RP1: variants seen among roughly 807,000 people sequenced by gnomAD.
RP1 encodes oxygen-regulated protein 1.
RP1 carries 16 observed loss-of-function variants against 14.8 expected under a neutral mutation model. The ratio of observed to expected loss-of-function variants is 1.08; its 90% CI spans 0.73 to 1.65. The LOEUF (loss-of-function observed/expected upper bound fraction) is 1.65. RP1 is among the 40% of genes most tolerant of loss of function. The pLI is 0.00. For missense variants in RP1, 2,631 were observed against 2,535.0 expected (o/e 1.04, Z -0.81); for synonymous variants, 876 against 883.6 (o/e 0.99, Z 0.15).
At chr8:54,852,407 A>G (rs1812077585) in intron 25 of RP1, among the ~76,000 whole-genome samples, 1 of 152,222 alleles carries the variant, frequency 6.6e-6, no homozygotes, top group African/African-American at 2.4e-5. Flanking sequence ...GGTAAACATT[A>G]AGTAGCTGGA....
chr8:54,805,381 G>T (rs1389417439), intron 24 of RP1, among the ~76,000 whole-genome samples: 2 of 152,042 alleles, frequency 1.3e-5, no homozygotes, highest in Non-Finnish European at 2.9e-5. Context: ...TTTGAATATT[G>T]GTCTCTAGCA....
rs758592527 is a variant in RP1 at position 54,625,638 on chromosome 8, T to C, written c.1756T>C (p.Leu586=). The part of the protein sequence containing the change: ...VEEDVVDCVV[L]DNKTGIKNFK... ...GGAAGATGTAGTTGATTGTGTGGTA[T>C]TGGACAACAAAACTGGTATCAAGAA... The change falls in exon 4 of 4, where the codon TTG becomes CTG. Residue 586 remains leucine (L), a synonymous_variant. Transcript: ENST00000220676. 3.7e-5 allele frequency: 59 copies of C among 1,614,044 alleles called. No individual in the cohort carries two copies. The highest frequency in any genetic ancestry group is 4.8e-5 in the Non-Finnish European group (57 of 1,180,014).
At chr8:54,813,763 G>T (rs1391941461) in intron 24 of RP1, among the ~76,000 whole-genome samples, 1 of 152,210 alleles carries the variant, frequency 6.6e-6, no homozygotes, top group African/African-American at 2.4e-5. Flanking sequence ...AAATGCAGGG[G>T]CTGGAAAGAT....
In RP1 at chr8:54,733,246, G is replaced by T. The variant is rs145969955; in HGVS notation, c.2522-1299G>T. ...CTGCTTCTTTTCCTCTTCTTAAAAT[G>T]AGCATCATAATTTGACTCACCTTAT... On this transcript the variant is annotated intron_variant, in intron 17 of 22. Coordinates refer to the RP1 transcript ENST00000636932. 7.0e-3 allele frequency among the ~76,000 whole-genome samples: 1,057 copies of T among 152,086 alleles called. 8 individuals carry two copies. The highest frequency in any genetic ancestry group is 0.031 in the Middle Eastern group (9 of 294).
At chr8:54,710,166 T>C (rs1483322427) in intron 15 of RP1, among the ~76,000 whole-genome samples, 1 of 152,182 alleles carries the variant, frequency 6.6e-6, no homozygotes, top group East Asian at 1.9e-4. Context: ...ATGAAAATAT[T>C]GATGCAGGAT....
At position 54,627,450 on chromosome 8, in the gene RP1, A is replaced by G. The variant is rs78436725; in HGVS notation, c.3568A>G (p.Thr1190Ala). 1 of 1,614,150 alleles carries G rather than the reference A, an allele frequency of 6.2e-7. No homozygotes were observed. The highest frequency in any genetic ancestry group is 8.5e-7 in the Non-Finnish European group (1 of 1,179,968). ...TGCTGTTGCCAATTTAGTGGAGTCA[A>G]CTACAAGCCACTTTGGACTCAGTGA... ...KAAVANLVES[T>A]TSHFGLSEKE... The change falls in exon 4 of 4, where the codon ACT becomes GCT. Residue 1190 changes from threonine to alanine, a missense_variant. Physicochemically the swap from Thr to Ala is moderately conservative, Grantham distance 58. Coordinates refer to ENST00000220676, the MANE Select transcript of RP1 (RefSeq NM_006269.2).
chr8:54,775,108 T>A (rs1244873362), intron 23 of RP1, among the ~76,000 whole-genome samples: 1 of 151,760 alleles, frequency 6.6e-6, no homozygotes, highest in East Asian at 1.9e-4. Context: ...TCAACAAATG[T>A]CTCCAAGGGG....
At chr8:54,573,105 C>CT (rs561827907) in intron 1 of RP1, among the ~76,000 whole-genome samples, 304 of 152,152 alleles carry the variant, frequency 2.0e-3, no homozygotes, top group African/African-American at 6.6e-3. Flanking sequence ...ATCATAATCC[C>CT]TTTTTTTGGC....
chr8:54,766,455 A>G (rs1809763327), intron 22 of RP1, among the ~76,000 whole-genome samples: 1 of 152,014 alleles, frequency 6.6e-6, no homozygotes, highest in African/African-American at 2.4e-5. Context: ...CTTCTTTGTC[A>G]GTTTACGCCA....
chr8:54,626,586 G>C lies in RP1; in HGVS notation c.2704G>C (p.Asp902His), dbSNP rs868608354. 1 of 1,613,340 alleles carries C rather than the reference G, an allele frequency of 6.2e-7. No individual in the cohort carries two copies. Among genetic ancestry groups the C allele is most frequent in the Admixed American group, 1.7e-5 (1 of 59,922 alleles). The change falls in exon 4 of 4, where the codon GAT (aspartate) becomes CAT (histidine). Residue 902 changes from aspartate to histidine, a missense_variant. Coordinates refer to ENST00000220676, the MANE Select transcript of RP1 (RefSeq NM_006269.2). Reference sequence around the variant, plus strand: ...TTCTTTAGCTTCTTTGAAAAAACCTGATTTTCCTGAGGCTATTGCTCATCA... The same window carrying C: ...TTCTTTAGCTTCTTTGAAAAAACCTCATTTTCCTGAGGCTATTGCTCATCA... ...ANSLASLKKP[D>H]FPEAIAHHSI... is the part of the protein sequence containing the mutation.
chr8:54,626,791 A>G lies in RP1; in HGVS notation c.2909A>G (p.Glu970Gly). ...NSGKISNFVM[E>G]SNKHITKIAG... is the part of the protein sequence containing the mutation. ...GGAAAAATAAGTAATTTTGTTATGG[A>G]AAGTAATAAGCACATAACTAAAATT... Residue 970 changes from glutamate to glycine, a missense_variant, in exon 4 of 4, where the codon GAA becomes GGA. Physicochemically the swap from Glu to Gly is moderately conservative, Grantham distance 98 (BLOSUM62 -2). Transcript: ENST00000220676. 3.7e-6 allele frequency: 6 copies of G among 1,613,804 alleles called. No homozygotes were observed. Among genetic ancestry groups the G allele is most frequent in the Non-Finnish European group, 5.1e-6 (6 of 1,179,908 alleles).
chr8:54,635,030 C>A (rs909812588), downstream of RP1, among the ~76,000 whole-genome samples: 1 of 149,726 alleles, frequency 6.7e-6, no homozygotes, highest in East Asian at 2.0e-4. Flanking sequence ...TGCAGTGAGC[C>A]GAGATGGTGC....
intron 18 of RP1, among the ~76,000 whole-genome samples, chr8:54,737,073 TAGC>T (rs1173425819): frequency 8.5e-5 from 13 of 152,232 alleles, no homozygotes; most frequent in African/African-American, 3.1e-4. Context: ...AGTGAGCATA[TAGC>T]CATTTTTGAG....
At position 54,852,557 on chromosome 8, in the gene RP1, G is replaced by A. The variant is rs546092547; in HGVS notation, c.3836-17G>A. The A allele has an allele frequency of 5.9e-5, 73 of 1,228,224 alleles. No homozygotes were observed. In the African/African-American group the frequency reaches 9.9e-4, roughly 17 times the overall value. 76.1% of individuals were successfully genotyped at this position (1,228,224 alleles called of 1,614,324 possible). On this transcript the variant is annotated splice_polypyrimidine_tract_variant and intron_variant, in intron 25 of 28. Coordinates refer to the RP1 transcript ENST00000637698. ...AATAAAAATGAGAAAGATAATATCA[G>A]ATTTCTTACATTTCAGTGGTGCTTT...
intron 1 of RP1, among the ~76,000 whole-genome samples, chr8:54,606,537 C>G (rs1191967009): frequency 2.6e-5 from 4 of 152,024 alleles, no homozygotes; most frequent in African/African-American, 4.8e-5. Context: ...TTGCTCTTCT[C>G]GAGGAGTATC....
intron 1 of RP1, among the ~76,000 whole-genome samples, chr8:54,595,176 G>C (rs575895682): frequency 1.1e-4 from 16 of 150,410 alleles, no homozygotes; most frequent in Non-Finnish European, 1.5e-4. Context: ...GTTGCCCAGG[G>C]TGGAGTGCAG....
At chr8:54,823,784 G>A (rs1320838320) in intron 24 of RP1, among the ~76,000 whole-genome samples, 1 of 152,176 alleles carries the variant, frequency 6.6e-6, no homozygotes, top group Admixed American at 6.5e-5. Context: ...ACTTTGTGAG[G>A]ACATGGTTTT....
At chr8:54,863,498 A>C (rs1812396436) in intron 27 of RP1, among the ~76,000 whole-genome samples, 1 of 152,212 alleles carries the variant, frequency 6.6e-6, no homozygotes. Flanking sequence ...CTTGCTTTTA[A>C]GATTTAAAAT....
At chr8:54,748,047 G>T (rs547783105) in intron 19 of RP1, among the ~76,000 whole-genome samples, 1 of 152,324 alleles carries the variant, frequency 6.6e-6, no homozygotes, top group South Asian at 2.1e-4. Context: ...TTGAATTGAA[G>T]TGGGTCATAG....
Sources: gnomAD v4.1 joint callset for allele counts (sites outside exome capture counted in the v4.1 genomes callset) on GRCh38, gnomAD v4.1.1 for gene constraint, MANE v1.5 for transcripts, NCBI Gene and HGNC (gene_info 2026-07-23, HGNC 2026-07-21) for gene names.